HIGD1C: variants seen among roughly 807,000 people sequenced by gnomAD.
HIGD1C encodes the protein HIG1 domain family member 1C.
A neutral mutation model predicts 13.1 loss-of-function variants in HIGD1C; 11 were observed. The observed-to-expected ratio is 0.84, with a 90% CI of 0.53 to 1.39. HIGD1C has a LOEUF of 1.39. HIGD1C is among the 40% of genes most tolerant of loss of function. The pLI is 0.00. For synonymous variants in HIGD1C, 36 were observed against 37.7 expected (o/e 0.95, Z 0.17); for missense variants, 110 against 112.0 (o/e 0.98, Z 0.08).
Position 50,958,282 on chromosome 12 carries a change from CTT to C in HIGD1C, c.95-2669_95-2668del, listed in dbSNP as rs71089718. 1.9e-3 allele frequency among the ~76,000 whole-genome samples: 248 copies of C among 133,826 alleles called. 1 individual carries two copies. Among genetic ancestry groups the C allele is most frequent in the African/African-American group, 5.5e-3 (194 of 35,416 alleles). 87.8% of individuals were successfully genotyped at this position (133,826 alleles called of 152,430 possible). The stretch of plus-strand genomic sequence containing the variant: ...CAAGTCCTAGAAAAGCTAAAATAAT[CTT>C]TTTTTTTTTTTTTTTTAGACGGAGT... On this transcript the variant is annotated intron_variant, in intron 1 of 2. Coordinates refer to ENST00000398455, the Ensembl canonical transcript of HIGD1C.
At chr12:50,952,325 GAC>G (rs1938926289), upstream of HIGD1C, among the ~76,000 whole-genome samples, 1 of 152,120 alleles carries the variant, frequency 6.6e-6, no homozygotes, top group South Asian at 2.1e-4. Flanking sequence ...GCGGGTACCA[GAC>G]ACACAGTTCT....
At chr12:50,939,149 T>C in the HIGD1C span, among the ~76,000 whole-genome samples, 1 of 152,122 alleles carries the variant, frequency 6.6e-6, no homozygotes, top group Non-Finnish European at 1.5e-5. Context: ...AACAGTTTAT[T>C]TGTATTTATT....
chr12:50,938,345 C>T, the HIGD1C span, among the ~76,000 whole-genome samples: 1 of 152,336 alleles, frequency 6.6e-6, no homozygotes, highest in African/African-American at 2.4e-5. Context: ...CTTGGGGCTA[C>T]AACTTTGTTC....
chr12:50,963,624 A>G (rs756929534), intron 2 of HIGD1C, among the ~76,000 whole-genome samples: 1 of 152,158 alleles, frequency 6.6e-6, no homozygotes, highest in Non-Finnish European at 1.5e-5. Flanking sequence ...AGCAGGAGCC[A>G]TGGTGGCTGT....
chr12:50,947,557 T>C, the HIGD1C span, among the ~76,000 whole-genome samples: 26 of 152,210 alleles, frequency 1.7e-4, no homozygotes, highest in African/African-American at 6.0e-4. Context: ...ACCCAGATAG[T>C]CCAGGACAAT....
intron 2 of HIGD1C, among the ~76,000 whole-genome samples, chr12:50,967,176 T>G (rs942128403): frequency 6.6e-5 from 10 of 151,548 alleles, no homozygotes; most frequent in Non-Finnish European, 7.4e-5. Context: ...AGTGCAGTGG[T>G]GCAATCATGG....
rs1194560273 is a variant in HIGD1C at position 50,957,203 on chromosome 12, C to G, written c.94+3111C>G. The stretch of plus-strand genomic sequence containing the variant: ...AAACATGCTATCCACATAAAAATTA[C>G]TTGCTTTTTTTTCTTTTTTTTTTTA... On this transcript the variant is annotated intron_variant, in intron 1 of 2. Transcript: ENST00000398455. Among the ~76,000 whole-genome samples the G allele has an allele frequency of 6.0e-5, 9 of 150,552 alleles. No homozygotes were observed. The East Asian group carries it at 1.8e-3, about 29-fold the overall frequency.
intron 1 of HIGD1C, among the ~76,000 whole-genome samples, chr12:50,959,705 T>C (rs573226285): frequency 1.3e-5 from 2 of 152,242 alleles, no homozygotes; most frequent in South Asian, 4.2e-4. Context: ...TGGAGTGCAG[T>C]AGCATTATCT....
chr12:50,963,576 G>A (rs1004288248), intron 2 of HIGD1C, among the ~76,000 whole-genome samples: 3 of 152,052 alleles, frequency 2.0e-5, no homozygotes, highest in Admixed American at 6.6e-5. Context: ...TAAACATGGA[G>A]CTGGCAAAGG....
intron 1 of HIGD1C, among the ~76,000 whole-genome samples, chr12:50,960,031 T>A (rs1221123104): frequency 6.6e-6 from 1 of 152,238 alleles, no homozygotes; most frequent in Non-Finnish European, 1.5e-5. Flanking sequence ...ATCTTTCCTA[T>A]TTAGTTGATG....
intron 2 of HIGD1C, among the ~76,000 whole-genome samples, chr12:50,968,859 T>C (rs920420728): frequency 2.7e-5 from 4 of 150,688 alleles, no homozygotes; most frequent in Non-Finnish European, 4.4e-5. Context: ...TTTTATTTTT[T>C]TGTAGAAATG....
upstream of HIGD1C, among the ~76,000 whole-genome samples, chr12:50,950,509 GTTGT>G (rs1408026950): frequency 6.6e-6 from 1 of 151,770 alleles, no homozygotes; most frequent in Non-Finnish European, 1.5e-5. Flanking sequence ...CTAATAAATG[GTTGT>G]TTGTTTTTGA....
chr12:50,971,705 A>T (rs1485689230), downstream of HIGD1C, among the ~76,000 whole-genome samples: 1 of 151,904 alleles, frequency 6.6e-6, no homozygotes, highest in Non-Finnish European at 1.5e-5. Context: ...AGAGAAAAAA[A>T]TAGTCACTGA....
intron 2 of HIGD1C, among the ~76,000 whole-genome samples, chr12:50,968,384 T>C (rs1383505601): frequency 6.6e-6 from 1 of 151,374 alleles, no homozygotes; most frequent in Non-Finnish European, 1.5e-5. Flanking sequence ...ACACTGATTC[T>C]TTTTTTGTGT....
At chr12:50,972,097 T>C (rs1939776061), downstream of HIGD1C, among the ~76,000 whole-genome samples, 1 of 152,214 alleles carries the variant, frequency 6.6e-6, no homozygotes, top group African/African-American at 2.4e-5. Flanking sequence ...ATATGTTCCA[T>C]TAAGGTCAGG....
chr12:50,955,643 A>G (rs319938), intron 1 of HIGD1C, among the ~76,000 whole-genome samples: 14,721 of 152,260 alleles, frequency 0.097, 1,082 homozygotes, highest in African/African-American at 0.2. Flanking sequence ...CATTATTCAC[A>G]TATCAAGAAA....
chr12:50,962,588 T>G (rs1320722562), intron 2 of HIGD1C, among the ~76,000 whole-genome samples: 2 of 147,520 alleles, frequency 1.4e-5, no homozygotes, highest in South Asian at 4.3e-4. Context: ...TCACAGCTAC[T>G]TGGGAGGCTG....
chr12:50,972,565 C>G (rs1252281213), downstream of HIGD1C, among the ~76,000 whole-genome samples: 1 of 152,208 alleles, frequency 6.6e-6, no homozygotes, highest in Non-Finnish European at 1.5e-5. Context: ...CCAGCATGAG[C>G]GACACAGAAG....
chr12:50,951,289 G>A (rs1938890262), upstream of HIGD1C, among the ~76,000 whole-genome samples: 3 of 152,118 alleles, frequency 2.0e-5, no homozygotes, highest in South Asian at 2.1e-4. Context: ...TTTGTGTTCC[G>A]TGATGACAGA....
Sources: allele counts gnomAD v4.1 joint callset (sites outside exome capture counted in the v4.1 genomes callset), GRCh38; gene constraint gnomAD v4.1.1; transcripts MANE v1.5; gene names NCBI Gene and HGNC (gene_info 2026-07-23, HGNC 2026-07-21).